Variants in ETF1 observed in about 807,000 individuals in gnomAD.
The protein encoded by ETF1 is eukaryotic peptide chain release factor subunit 1.
In ETF1, 4 loss-of-function variants were observed where a neutral mutation model predicts 55.1. That is an observed-to-expected ratio of 0.07 (90% CI 0.04 to 0.17). ETF1 has a LOEUF of 0.17. Ranked by LOEUF, ETF1 falls within the 10% of genes least tolerant of loss-of-function variation. The probability of loss-of-function intolerance (pLI) is 1.00; values close to 1 mark genes in which losing one functional copy is unlikely to be tolerated. For missense variants in ETF1, 142 were observed against 523.6 expected, an observed-to-expected ratio of 0.27 and a Z score of 7.11; for synonymous variants, 157 against 182.3, an observed-to-expected ratio of 0.86 and a Z score of 1.12.
In ETF1 at chr5:138,508,246, T is replaced by C. The variant is rs988155465; in HGVS notation, c.*59A>G. The C allele has an allele frequency of 4.5e-5, 71 of 1,578,324 alleles. No homozygotes were observed. Among genetic ancestry groups the C allele is most frequent in the Non-Finnish European group, 5.6e-5 (65 of 1,158,482 alleles). On this transcript the variant is annotated 3_prime_UTR_variant, in exon 11 of 11. Coordinates refer to ENST00000360541, the MANE Select transcript of ETF1 (RefSeq NM_004730.4). ...ATCTGTTTGGATTCCACCATGGGTA[T>C]GCTCCTTGGGTTGGATGCTGGAGGG...
chr5:138,529,934 G>C (rs1765626819), intron 2 of ETF1, among the ~76,000 whole-genome samples: 1 of 151,976 alleles, frequency 6.6e-6, no homozygotes, highest in Non-Finnish European at 1.5e-5. Flanking sequence ...TTCGAGATAG[G>C]ATCTCACAAG....
rs1286502948 is a variant in ETF1, at chr5:138,511,150, C to T, written c.913G>A (p.Val305Ile). Residue 305 changes from valine to isoleucine, a missense_variant, in exon 8 of 11, where the codon GTT (valine) becomes ATT (isoleucine). By Grantham distance (29) the Val-to-Ile change is conservative. Around this residue, in one of 5 missense-constraint regions of ETF1, gnomAD observed 82 missense variants for 232.9 expected, o/e 0.35. Coordinates refer to ENST00000360541, the MANE Select transcript of ETF1 (RefSeq NM_004730.4). ...SQDTGKYCFG[V>I]EDTLKALEMG... ...TCCAAAGCCTTTAGTGTATCTTCAA[C>T]GCCAAAACAGTACTTGCCCGTGTCC... 2 of 1,614,012 alleles carry T rather than the reference C, an allele frequency of 1.2e-6. No individual in the cohort carries two copies. The highest frequency in any genetic ancestry group is 2.2e-5 in the East Asian group (1 of 44,882).
At chr5:138,521,047 C>G (rs1400297206) in intron 2 of ETF1, among the ~76,000 whole-genome samples, 5 of 152,192 alleles carry the variant, frequency 3.3e-5, no homozygotes, top group East Asian at 1.9e-4. Context: ...TTCATAGCAG[C>G]ATTATTCACA....
intron 5 of ETF1, 165 bp from the exon 6 acceptor site, chr5:138,513,119 C>A (rs933744727): frequency 1.0e-6 from 1 of 985,182 alleles, no homozygotes; most frequent in Non-Finnish European, 1.2e-6. Context: ...TTTCAGAGAG[C>A]GACTACTAAG....
At chr5:138,527,836 G>A (rs1580706763) in intron 2 of ETF1, among the ~76,000 whole-genome samples, 1 of 151,818 alleles carries the variant, frequency 6.6e-6, no homozygotes, top group Non-Finnish European at 1.5e-5. Flanking sequence ...GCAGTGGCAC[G>A]ATGTCACCTC....
chr5:138,512,252 ATATATATTTTTTT>A (rs1431899830), intron 6 of ETF1, among the ~76,000 whole-genome samples: 9 of 13,136 alleles, frequency 6.9e-4, no homozygotes, highest in African/African-American at 1.4e-3. Context: ...ATATATATAT[ATATATATTTTTTT>A]TTTTTTTTAA....
In ETF1 at chr5:138,530,188, T is replaced by C. The variant is rs561230674; in HGVS notation, c.87-11321A>G. Among the ~76,000 whole-genome samples, 174 of 152,326 alleles carry C rather than the reference T, an allele frequency of 1.1e-3. 5 individuals carry two copies. The South Asian group carries it at 0.034, about 30-fold the overall frequency. ...TACATGCTCAGACACAAAAGATCCC[T>C]TCTTCCTCCATCCTGACTCAATAGT... On this transcript the variant is annotated intron_variant, in intron 2 of 10. Transcript: ENST00000360541.
At chr5:138,508,627 G>T in intron 10 of ETF1, 42 bp downstream of exon 10, 1 of 1,609,558 alleles carries the variant, frequency 6.2e-7, no homozygotes, top group South Asian at 1.1e-5. Flanking sequence ...ACCTTGACCT[G>T]AGACCCTGGT....
intron 2 of ETF1, chr5:138,541,474 G>C: frequency 2.2e-6 from 3 of 1,373,342 alleles, no homozygotes; most frequent in Non-Finnish European, 3.0e-6. Flanking sequence ...ATTCCAAACA[G>C]AACTGTCCCT....
intron 5 of ETF1, chr5:138,513,215 C>T (rs1333613222): frequency 7.1e-6 from 7 of 985,000 alleles, no homozygotes; most frequent in African/African-American, 3.5e-5. Context: ...ATTCACTCCC[C>T]TCACATCATA....
chr5:138,521,694 T>G (rs1329277969), intron 2 of ETF1, among the ~76,000 whole-genome samples: 2 of 152,072 alleles, frequency 1.3e-5, no homozygotes, highest in African/African-American at 4.8e-5. Context: ...GCCCAGTTAA[T>G]TTTCTTTGTA....
intron 6 of ETF1, among the ~76,000 whole-genome samples, chr5:138,512,252 ATATATATTTT>A (rs1387773053): frequency 3.0e-4 from 4 of 13,134 alleles, no homozygotes; most frequent in African/African-American, 1.1e-3. Context: ...ATATATATAT[ATATATATTTT>A]TTTTTTTTTT....
chr5:138,535,407 T>C (rs1765878667), intron 2 of ETF1, among the ~76,000 whole-genome samples: 1 of 149,912 alleles, frequency 6.7e-6, no homozygotes, highest in East Asian at 2.1e-4. Flanking sequence ...CTCGGCTCAC[T>C]GCAACCTCCT....
chr5:138,524,589 T>C (rs1178188068), intron 2 of ETF1, among the ~76,000 whole-genome samples: 2 of 148,882 alleles, frequency 1.3e-5, no homozygotes, highest in Admixed American at 1.3e-4. Context: ...TTTTTTGTTT[T>C]TTTTTTTGAG....
At chr5:138,517,368 CTAAAAAAAAAA>C (rs1314299799) in intron 4 of ETF1, among the ~76,000 whole-genome samples, 182 bp downstream of exon 4, 1 of 148,224 alleles carries the variant, frequency 6.7e-6, no homozygotes. Context: ...GAGACTCCGT[CTAAAAAAAAAA>C]TAAAAAAATA....
At chr5:138,526,824 C>G (rs553574362) in intron 2 of ETF1, among the ~76,000 whole-genome samples, 5,262 of 152,172 alleles carry the variant, frequency 0.035, 142 homozygotes, top group Middle Eastern at 0.079. Flanking sequence ...CCTCAGCCTC[C>G]TGAGGAGCTG....
In ETF1 at chr5:138,507,454, G is replaced by T. The variant is rs1181445524; in HGVS notation, c.*851C>A. On this transcript the variant is annotated 3_prime_UTR_variant, in exon 11 of 11. Transcript: ENST00000360541. ...AAATTTCTTCGCTTCCACTTAAATTGCATGTTTTATTTCTCCCAATCCCAG... is the reference window on the plus strand; with the variant it reads ...AAATTTCTTCGCTTCCACTTAAATTTCATGTTTTATTTCTCCCAATCCCAG... 6.6e-6 allele frequency: 1 copy of T among 152,526 alleles called. No individual in the cohort carries two copies. The highest frequency in any genetic ancestry group is 1.9e-4 in the East Asian group (1 of 5,204). The allele number at this position is 152,526 out of a possible 1,614,324, so 9.4% of individuals were successfully genotyped here. A position where few individuals can be genotyped will look rare whatever the true frequency, so the allele number is the denominator to read the frequency against.
At position 138,543,127 on chromosome 5, in the gene ETF1, G is replaced by A. The variant is rs1016435854; in HGVS notation, c.-49C>T. 8.5e-6 allele frequency: 5 copies of A among 587,144 alleles called. No individual in the cohort carries two copies. Among genetic ancestry groups the A allele is most frequent in the Non-Finnish European group, 1.5e-5 (5 of 337,914 alleles). 36.4% of individuals were successfully genotyped at this position (587,144 alleles called of 1,614,324 possible). A position where few individuals can be genotyped will look rare whatever the true frequency, so the allele number is the denominator to read the frequency against. ...GGCCCAGTCCTGGGCGGCAGCGGCT[G>A]CTCCTCCCCGGCGGCGGCTCCGCGG... On this transcript the variant is annotated 5_prime_UTR_variant, in exon 1 of 11. Transcript: ENST00000360541.
At position 138,507,010 on chromosome 5, in the gene ETF1, C is replaced by T. The variant is rs1176659627; in HGVS notation, c.*1295G>A. The T allele has an allele frequency of 6.6e-6, 1 of 152,342 alleles. No individual in the cohort carries two copies. The highest frequency in any genetic ancestry group is 2.4e-5 in the African/African-American group (1 of 41,452). 9.4% of individuals were successfully genotyped at this position (152,342 alleles called of 1,614,324 possible). On this transcript the variant is annotated 3_prime_UTR_variant, in exon 11 of 11. Coordinates refer to ENST00000360541, the MANE Select transcript of ETF1 (RefSeq NM_004730.4). ...GCTACCACTGGGCACGTACTATACA[C>T]TTTGTTCAACTGTCACCACCCTGGG...
Sources: allele counts gnomAD v4.1 joint callset (sites outside exome capture counted in the v4.1 genomes callset), GRCh38; gene constraint gnomAD v4.1.1; regional missense constraint gnomAD v4.1.1; transcripts MANE v1.5; gene names NCBI Gene and HGNC (gene_info 2026-07-23, HGNC 2026-07-21).